SMYD3: variants seen among roughly 807,000 people sequenced by gnomAD.
SMYD3 encodes histone-lysine N-methyltransferase SMYD3.
Under a neutral mutation model 57.7 loss-of-function variants are expected in SMYD3, and 36 were observed. The observed-to-expected ratio is 0.62, with a 90% confidence interval of 0.48 to 0.82. SMYD3 has a LOEUF of 0.82. Ranked by LOEUF, SMYD3 falls within the 40% of genes least tolerant of loss-of-function variation. The probability of loss-of-function intolerance (pLI) is 0.00; values close to 1 mark genes in which losing one functional copy is unlikely to be tolerated. For synonymous variants in SMYD3, 211 were observed against 195.0 expected (o/e 1.08, Z -0.68); for missense variants, 515 against 538.8 (o/e 0.96, Z 0.44).
At position 246,076,672 on chromosome 1, in the gene SMYD3, G is replaced by GT. The variant is rs869038981; in HGVS notation, c.532-146736dup. ...ACTGCTCCCACTAGCATTCTGTCTGGTTTTGTTTTTTTTTTCTAGATTAAT... is the reference window on the plus strand; with the variant it reads ...ACTGCTCCCACTAGCATTCTGTCTGGTTTTTGTTTTTTTTTTCTAGATTAAT... On this transcript the variant is annotated intron_variant, in intron 5 of 11. Coordinates refer to ENST00000490107, the MANE Select transcript of SMYD3 (RefSeq NM_001167740.2). Among the ~76,000 whole-genome samples the GT allele has an allele frequency of 4.5e-3, 540 of 120,754 alleles. 7 individuals are homozygous for GT. The highest frequency in any genetic ancestry group is 0.023 in the African/African-American group (492 of 21,448). The allele number at this position is 120,754 out of a possible 152,430, so 79.2% of individuals were successfully genotyped here.
chr1:245,906,880 AC>A (rs2054600143), intron 8 of SMYD3, among the ~76,000 whole-genome samples: 1 of 152,260 alleles, frequency 6.6e-6, no homozygotes, highest in African/African-American at 2.4e-5. Context: ...TAAGTGAAAT[AC>A]CAGTCTCAGA....
intron 3 of SMYD3, among the ~76,000 whole-genome samples, chr1:246,333,538 C>G (rs1572391936): frequency 6.6e-6 from 1 of 152,122 alleles, no homozygotes; most frequent in Non-Finnish European, 1.5e-5. Flanking sequence ...CTATAAGGAA[C>G]TTAAGCAATT....
intron 1 of SMYD3, among the ~76,000 whole-genome samples, chr1:246,482,056 G>A (rs2068117557): frequency 6.6e-6 from 1 of 151,952 alleles, no homozygotes; most frequent in Non-Finnish European, 1.5e-5. Context: ...TACTGGGAAG[G>A]CTAAGGTAGG....
intron 1 of SMYD3, among the ~76,000 whole-genome samples, chr1:246,451,359 T>C (rs2067629715): frequency 6.6e-6 from 1 of 152,222 alleles, no homozygotes; most frequent in Admixed American, 6.5e-5. Flanking sequence ...CTTAAGTGAA[T>C]ATTACTAAGC....
At chr1:246,376,632 TA>T (rs1464917069) in intron 1 of SMYD3, among the ~76,000 whole-genome samples, 2 of 138,414 alleles carry the variant, frequency 1.4e-5, no homozygotes, top group Non-Finnish European at 3.2e-5. Flanking sequence ...TAAACCAGTA[TA>T]AACAACATTA....
chr1:246,328,186 C>T (rs1208318464), intron 4 of SMYD3, among the ~76,000 whole-genome samples: 1 of 151,682 alleles, frequency 6.6e-6, no homozygotes, highest in African/African-American at 2.4e-5. Context: ...AAGAGAGACT[C>T]CATCTCCAAA....
chr1:246,363,485 A>C (rs958451522), intron 1 of SMYD3, among the ~76,000 whole-genome samples: 2 of 151,950 alleles, frequency 1.3e-5, no homozygotes, highest in Admixed American at 1.3e-4. Context: ...GAAAAGGGGG[A>C]AAGGTGGGGA....
At chr1:246,347,379 T>C (rs1283576574) in intron 2 of SMYD3, among the ~76,000 whole-genome samples, 2 of 152,324 alleles carry the variant, frequency 1.3e-5, no homozygotes, top group African/African-American at 4.8e-5. Context: ...TACTTAGGCA[T>C]GTCATTTTCA....
At chr1:246,341,022 A>G (rs946777544) in intron 2 of SMYD3, among the ~76,000 whole-genome samples, 7 of 152,190 alleles carry the variant, frequency 4.6e-5, no homozygotes, top group African/African-American at 1.7e-4. Flanking sequence ...TCACAATAGA[A>G]GATGATTAAA....
At chr1:246,500,504 G>A (rs2068440657) in intron 1 of SMYD3, among the ~76,000 whole-genome samples, 1 of 152,178 alleles carries the variant, frequency 6.6e-6, no homozygotes, top group Non-Finnish European at 1.5e-5. Context: ...TATTCCAACT[G>A]ACTCCTCCAT....
intron 1 of SMYD3, among the ~76,000 whole-genome samples, chr1:246,382,773 C>T (rs868931): frequency 0.53 from 80,460 of 151,894 alleles, 22,019 homozygotes; most frequent in Middle Eastern, 0.71. Context: ...AGGCTCACCC[C>T]AGCACCAGGC....
intron 5 of SMYD3, among the ~76,000 whole-genome samples, chr1:246,084,605 T>C (rs1221692601): frequency 6.6e-6 from 1 of 152,218 alleles, no homozygotes; most frequent in East Asian, 1.9e-4. Context: ...CACCATTATG[T>C]TGATTCCCTC....
chr1:246,471,227 G>A (rs983582366), intron 1 of SMYD3, among the ~76,000 whole-genome samples: 2 of 151,946 alleles, frequency 1.3e-5, no homozygotes, highest in Non-Finnish European at 2.9e-5. Flanking sequence ...TAGAGATGGG[G>A]TCTTGCTGTC....
In SMYD3 at chr1:245,815,798, A is replaced by G. The variant is rs139004057; in HGVS notation, c.1076+42698T>C. Among the ~76,000 whole-genome samples, 404 of 152,376 alleles carry G rather than the reference A, an allele frequency of 2.7e-3. 2 individuals are homozygous for G. Among genetic ancestry groups the G allele is most frequent in the African/African-American group, 9.2e-3 (383 of 41,586 alleles). ...GACAGAAATGAAAATCGCTGTTTTT[A>G]CAAACTGAGAAATTACGGGCCTTTG... On this transcript the variant is annotated intron_variant, in intron 10 of 11. Coordinates refer to ENST00000490107, the MANE Select transcript of SMYD3 (RefSeq NM_001167740.2).
At chr1:246,107,089 G>A (rs1401941480) in intron 5 of SMYD3, among the ~76,000 whole-genome samples, 1 of 144,618 alleles carries the variant, frequency 6.9e-6, no homozygotes, top group Non-Finnish European at 1.5e-5. Context: ...CACAAGGTCA[G>A]GAGATCGAGA....
In SMYD3 at chr1:246,342,229, C is replaced by T. The variant is rs140971642; in HGVS notation, c.229-6755G>A. On this transcript the variant is annotated intron_variant, in intron 2 of 11. Transcript: ENST00000490107. ...TATAATATTAACTAAACATCTTCTACGTGAAATATCACAGTGATTTTTTTC... is the reference window on the plus strand; with the variant it reads ...TATAATATTAACTAAACATCTTCTATGTGAAATATCACAGTGATTTTTTTC... Among the ~76,000 whole-genome samples the T allele has an allele frequency of 9.9e-4, 151 of 152,252 alleles. 1 individual carries two copies. The East Asian group carries it at 0.021, about 22-fold the overall frequency.
At chr1:245,919,124 TC>T (rs1329415838) in intron 7 of SMYD3, among the ~76,000 whole-genome samples, 3 of 152,202 alleles carry the variant, frequency 2.0e-5, no homozygotes, top group African/African-American at 7.2e-5. Flanking sequence ...CTAACTGGCT[TC>T]CCCGCTGCCT....
At chr1:245,855,323 T>TA (rs1558425174) in intron 10 of SMYD3, among the ~76,000 whole-genome samples, 1 of 151,198 alleles carries the variant, frequency 6.6e-6, no homozygotes, top group Non-Finnish European at 1.5e-5. Context: ...TTTTAGGGGC[T>TA]GGGGGGGGAA....
chr1:245,813,438 A>G (rs773532715), intron 10 of SMYD3, among the ~76,000 whole-genome samples: 3 of 152,198 alleles, frequency 2.0e-5, no homozygotes, highest in Non-Finnish European at 4.4e-5. Context: ...TAAGAGTTAA[A>G]TGAATCCAGC....
Sources: gnomAD v4.1 joint callset for allele counts (sites outside exome capture counted in the v4.1 genomes callset) on GRCh38, gnomAD v4.1.1 for gene constraint, MANE v1.5 for transcripts, NCBI Gene and HGNC (gene_info 2026-07-23, HGNC 2026-07-21) for gene names.